Variants in ANKRD28 observed in about 807,000 individuals in gnomAD.
The protein encoded by ANKRD28 is serine/threonine-protein phosphatase 6 regulatory ankyrin repeat subunit A.
In ANKRD28, 44 loss-of-function variants were observed where a neutral mutation model predicts 126.5. The ratio of observed to expected loss-of-function variants is 0.35; its 90% CI spans 0.27 to 0.45. ANKRD28 has a LOEUF of 0.45. Among genes scored for constraint, ANKRD28 ranks in the 20% least tolerant of loss-of-function variants. The pLI is 1.00. For synonymous variants in ANKRD28, 442 were observed against 468.5 expected (o/e 0.94, Z 0.73); for missense variants, 1,110 against 1,316.6 (o/e 0.84, Z 2.43).
chr3:15,703,683 A>C (rs538332302), intron 14 of ANKRD28, among the ~76,000 whole-genome samples: 1 of 152,220 alleles, frequency 6.6e-6, no homozygotes, highest in South Asian at 2.1e-4. Context: ...ATACCAGTCC[A>C]AACAGACTAA....
At chr3:15,694,679 GTTA>G (rs1303656586) in intron 17 of ANKRD28, 57 bp downstream of exon 17, 1 of 1,437,330 alleles carries the variant, frequency 7.0e-7, no homozygotes, top group Non-Finnish European at 9.8e-7. Flanking sequence ...ACACAAATAG[GTTA>G]TTAGATATTT....
chr3:15,823,860 T>C (rs1205458674), intron 1 of ANKRD28, among the ~76,000 whole-genome samples: 1 of 152,198 alleles, frequency 6.6e-6, no homozygotes, highest in Non-Finnish European at 1.5e-5. Context: ...TAAAATCCAC[T>C]ACGTTTTCAT....
intron 7 of ANKRD28, 82 bp from the exon 8 acceptor site, chr3:15,721,209 T>C (rs2073687021): frequency 3.5e-6 from 4 of 1,132,852 alleles, no homozygotes; most frequent in Admixed American, 4.2e-5. Flanking sequence ...AACCTGTGGT[T>C]GCAATCAAAT....
rs555162463 is a variant in ANKRD28 at position 15,743,593 on chromosome 3, C to T, written c.352-6360G>A. ...ACACACACACACACACACACACACA[C>T]GCACACCAAAAACAAAACCCAACTC... On this transcript the variant is annotated intron_variant, in intron 4 of 27. Coordinates refer to ENST00000683139, the MANE Select transcript of ANKRD28 (RefSeq NM_001349278.2). Among the ~76,000 whole-genome samples, 1,137 of 141,820 alleles carry T rather than the reference C, an allele frequency of 8.0e-3. 6 individuals are homozygous for T. The highest frequency in any genetic ancestry group is 0.012 in the South Asian group (50 of 4,336). 93.0% of individuals were successfully genotyped at this position (141,820 alleles called of 152,430 possible).
At chr3:15,698,063 G>C (rs1003459405) in intron 14 of ANKRD28, among the ~76,000 whole-genome samples, 4 of 151,844 alleles carry the variant, frequency 2.6e-5, no homozygotes, top group African/African-American at 4.8e-5. Context: ...GTATTTCTTT[G>C]AGCTCGGTGG....
At chr3:15,789,455 AAAG>A in intron 2 of ANKRD28, among the ~76,000 whole-genome samples, 1 of 152,212 alleles carries the variant, frequency 6.6e-6, no homozygotes, top group Non-Finnish European at 1.5e-5. Context: ...AAAGAAAAGA[AAAG>A]AAAAGAAAAT....
At chr3:15,820,538 T>G (rs1328014467) in intron 1 of ANKRD28, among the ~76,000 whole-genome samples, 1 of 152,176 alleles carries the variant, frequency 6.6e-6, no homozygotes, top group Non-Finnish European at 1.5e-5. Context: ...GAAAGAGACT[T>G]AGGAAACTAA....
chr3:15,828,475 A>G (rs1033891814), intron 1 of ANKRD28, among the ~76,000 whole-genome samples: 1 of 151,990 alleles, frequency 6.6e-6, no homozygotes, highest in African/African-American at 2.4e-5. Context: ...TTTATTCTAA[A>G]TATGTTTTCT....
intron 8 of ANKRD28, among the ~76,000 whole-genome samples, chr3:15,716,640 G>T (rs1441087907): frequency 1.3e-5 from 2 of 151,814 alleles, no homozygotes; most frequent in African/African-American, 4.8e-5. Context: ...TGATAAGAAG[G>T]ATAAGAAAAA....
intron 21 of ANKRD28, among the ~76,000 whole-genome samples, chr3:15,680,326 T>C (rs2067408752): frequency 6.6e-6 from 1 of 152,064 alleles, no homozygotes; most frequent in Non-Finnish European, 1.5e-5. Context: ...TGTCTCAGCC[T>C]CCCAAGTAGC....
chr3:15,818,736 T>C (rs2060884013), intron 1 of ANKRD28, among the ~76,000 whole-genome samples: 1 of 152,232 alleles, frequency 6.6e-6, no homozygotes, highest in Non-Finnish European at 1.5e-5. Flanking sequence ...TTTCAAGCTA[T>C]AGAAACCAAA....
intron 2 of ANKRD28, among the ~76,000 whole-genome samples, chr3:15,785,481 T>A (rs1014863435): frequency 1.3e-5 from 2 of 152,060 alleles, no homozygotes; most frequent in Admixed American, 6.6e-5. Flanking sequence ...CATCATGTCA[T>A]CAGGGAATTG....
At chr3:15,680,689 A>G (rs1382887976) in intron 21 of ANKRD28, among the ~76,000 whole-genome samples, 1 of 151,918 alleles carries the variant, frequency 6.6e-6, no homozygotes, top group African/African-American at 2.4e-5. Context: ...TTTTTGAGAC[A>G]GGGTCTTGCT....
intron 2 of ANKRD28, among the ~76,000 whole-genome samples, chr3:15,793,408 T>C (rs554814829): frequency 7.9e-4 from 120 of 152,254 alleles, no homozygotes; most frequent in African/African-American, 2.8e-3. Context: ...TGAAGACAAT[T>C]GTCAAAGAGT....
intron 2 of ANKRD28, among the ~76,000 whole-genome samples, chr3:15,772,341 G>A (rs2059056124): frequency 6.6e-6 from 1 of 152,034 alleles, no homozygotes; most frequent in Admixed American, 6.5e-5. Context: ...ATAACTAAGA[G>A]GGGATTATCA....
intron 14 of ANKRD28, among the ~76,000 whole-genome samples, chr3:15,706,662 C>T (rs953635051): frequency 6.6e-6 from 1 of 152,146 alleles, no homozygotes; most frequent in African/African-American, 2.4e-5. Flanking sequence ...GATGAATCGC[C>T]ACACTGTCTT....
At chr3:15,766,179 T>A (rs2058727805) in intron 3 of ANKRD28, 55 bp downstream of exon 3, 1 of 1,384,952 alleles carries the variant, frequency 7.2e-7, no homozygotes, top group Non-Finnish European at 1.0e-6. Context: ...TTGAGAAACA[T>A]TAAGAATAAC....
At position 15,679,550 on chromosome 3, in the gene ANKRD28, A is replaced by G; in HGVS notation, c.2403T>C (p.Cys801=). 1.2e-6 allele frequency: 2 copies of G among 1,611,884 alleles called. No homozygotes were observed. Among genetic ancestry groups the G allele is most frequent in the Non-Finnish European group, 1.7e-6 (2 of 1,178,662 alleles). Residue 801 remains cysteine (C), a synonymous_variant, in exon 22 of 28, where the codon TGT becomes TGC. Transcript: ENST00000683139. ...CTTCCTGTTCTAAAAGCAGTTCTAC[A>G]CATGTCTCGTGACCTAAATAGGTGT... The part of the protein sequence containing the change: ...HWACYNGHET[C]VELLLEQEVF...
chr3:15,694,646 G>T, intron 17 of ANKRD28, 93 bp downstream of exon 17: 1 of 1,054,008 alleles, frequency 9.5e-7, no homozygotes, highest in Non-Finnish European at 1.4e-6. Context: ...TGGACCAAAA[G>T]TTTATGGTAC....
Sources: gnomAD v4.1 joint callset for allele counts (sites outside exome capture counted in the v4.1 genomes callset) on GRCh38, gnomAD v4.1.1 for gene constraint, MANE v1.5 for transcripts, NCBI Gene and HGNC (gene_info 2026-07-23, HGNC 2026-07-21) for gene names.